The following SLC12A7 variants were observed in gnomAD, a reference collection of about 807,000 sequenced individuals.
The protein encoded by SLC12A7 is K-Cl cotransporter 4.
Under a neutral mutation model 120.6 loss-of-function variants are expected in SLC12A7, and 100 were observed. That is an observed-to-expected ratio of 0.83 (90% CI 0.71 to 0.98). The LOEUF is 0.98. SLC12A7 is among the 50% of genes least tolerant of loss of function. The pLI is 0.00. For missense variants in SLC12A7, 1,373 were observed against 1,548.1 expected, an observed-to-expected ratio of 0.89 and a Z score of 1.90; for synonymous variants, 760 against 678.0, an observed-to-expected ratio of 1.12 and a Z score of -1.88.
chr5:1,119,343 C>G, the SLC12A7 span, among the ~76,000 whole-genome samples: 1 of 152,200 alleles, frequency 6.6e-6, no homozygotes, highest in African/African-American at 2.4e-5. Context: ...TCAGGGCCAG[C>G]ACTCGTTAAA....
chr5:1,050,979 G>A lies in SLC12A7; in HGVS notation c.*1381C>T. The A allele has an allele frequency of 2.5e-6, 1 of 398,626 alleles. No homozygotes were observed. The highest frequency in any genetic ancestry group is 4.4e-6 in the Non-Finnish European group (1 of 226,070). The allele number at this position is 398,626 out of a possible 1,614,324, so 24.7% of individuals were successfully genotyped here. On this transcript the variant is annotated 3_prime_UTR_variant, in exon 24 of 24. Coordinates refer to ENST00000264930, the MANE Select transcript of SLC12A7 (RefSeq NM_006598.3). ...ACGTAGCCCAAGGCCTGGCCATCTG[G>A]GGCCTCTAGTATATAGAAGCAACCT...
At chr5:1,056,988 T>C (rs368592002) in intron 22 of SLC12A7, among the ~76,000 whole-genome samples, 2 of 152,236 alleles carry the variant, frequency 1.3e-5, no homozygotes, top group South Asian at 4.1e-4. Context: ...CTCGCCTCCA[T>C]GGAACAGACC....
At position 1,074,677 on chromosome 5, in the gene SLC12A7, G is replaced by C; in HGVS notation, c.1968-6C>G. 1.9e-6 allele frequency: 3 copies of C among 1,612,208 alleles called. No individual in the cohort carries two copies. The highest frequency in any genetic ancestry group is 2.5e-6 in the Non-Finnish European group (3 of 1,179,740). ...CGCCCCACTCCTTCTCGGCCCTGTGGGAAAGGAAGTCGGGGTTTGTCCAGC... is the reference window on the plus strand; with the variant it reads ...CGCCCCACTCCTTCTCGGCCCTGTGCGAAAGGAAGTCGGGGTTTGTCCAGC... On this transcript the variant is annotated splice_polypyrimidine_tract_variant and splice_region_variant and intron_variant, in intron 15 of 23. Coordinates refer to ENST00000264930, the MANE Select transcript of SLC12A7 (RefSeq NM_006598.3).
rs1278630599 is a variant in SLC12A7, at chr5:1,065,268, G to T, written c.2437+15C>A. Reference sequence around the variant, plus strand: ...GACGGTGAGGGGATGCCGAAGGGCCGCCAGCCATGCCTACCCACAAAGTTC... The same window carrying T: ...GACGGTGAGGGGATGCCGAAGGGCCTCCAGCCATGCCTACCCACAAAGTTC... On this transcript the variant is annotated intron_variant, in intron 18 of 23. Coordinates refer to ENST00000264930, the MANE Select transcript of SLC12A7 (RefSeq NM_006598.3). 3 of 1,540,488 alleles carry T rather than the reference G, an allele frequency of 1.9e-6. No homozygotes were observed. In the African/African-American group the frequency reaches 4.1e-5, roughly 21 times the overall value.
In SLC12A7 at chr5:1,094,180, C is replaced by T. The variant is rs182412978; in HGVS notation, c.193G>A (p.Glu65Lys). 1.2e-6 allele frequency: 2 copies of T among 1,613,550 alleles called. No individual in the cohort carries two copies. The highest frequency in any genetic ancestry group is 2.2e-5 in the East Asian group (1 of 44,884). The part of the protein sequence containing the change: ...NVEVEQESFF[E>K]GKNMALFEEE... ...TCGAAAAGTGCCATGTTCTTCCCTTCAAAGAAGCTCTCTTGTTCCACCTCG... is the reference window on the plus strand; with the variant it reads ...TCGAAAAGTGCCATGTTCTTCCCTTTAAAGAAGCTCTCTTGTTCCACCTCG... Residue 65 changes from glutamate to lysine, a missense_variant, in exon 2 of 24, where the codon GAA becomes AAA. Glu to Lys is a moderately conservative substitution (Grantham distance 56). Coordinates refer to ENST00000264930, the MANE Select transcript of SLC12A7 (RefSeq NM_006598.3).
chr5:1,128,337 G>C, the SLC12A7 span, among the ~76,000 whole-genome samples: 1 of 152,228 alleles, frequency 6.6e-6, no homozygotes, highest in African/African-American at 2.4e-5. Flanking sequence ...GTCAGGCCCA[G>C]TGGAAACTGG....
At chr5:1,085,513 C>A (rs1177068449) in intron 6 of SLC12A7, 40 bp from the exon 7 acceptor site, 1 of 1,542,500 alleles carries the variant, frequency 6.5e-7, no homozygotes, top group Non-Finnish European at 8.7e-7. Flanking sequence ...TCCCCGGACA[C>A]AACTCCCCAG....
intron 3 of SLC12A7, among the ~76,000 whole-genome samples, chr5:1,090,910 A>G (rs1019394805): frequency 7.9e-5 from 12 of 152,066 alleles, no homozygotes; most frequent in African/African-American, 2.4e-4. Flanking sequence ...AGGCTCCTCA[A>G]TGGGAGCAGG....
At chr5:1,117,544 C>T in the SLC12A7 span, among the ~76,000 whole-genome samples, 1 of 152,200 alleles carries the variant, frequency 6.6e-6, no homozygotes, top group Admixed American at 6.5e-5. This position sits in a 1 kb window ranked among gnomAD's most constrained non-coding sequence, Gnocchi z 4.5. Context: ...AAGATTCTGA[C>T]CCTCCCTAAA....
In SLC12A7 at chr5:1,052,083, A is replaced by C; in HGVS notation, c.*277T>G. 1 of 483,878 alleles carries C rather than the reference A, an allele frequency of 2.1e-6. No individual in the cohort carries two copies. 30.0% of individuals were successfully genotyped at this position (483,878 alleles called of 1,614,324 possible). On this transcript the variant is annotated 3_prime_UTR_variant, in exon 24 of 24. Coordinates refer to ENST00000264930, the MANE Select transcript of SLC12A7 (RefSeq NM_006598.3). The stretch of plus-strand genomic sequence containing the variant: ...CACTGGCTTCTTGTGACCTGCGAGA[A>C]GATCTGGCCACGTCCAGGTCACTCC...
intron 1 of SLC12A7, among the ~76,000 whole-genome samples, chr5:1,096,510 C>G (rs1381270802): frequency 6.6e-6 from 1 of 151,938 alleles, no homozygotes; most frequent in African/African-American, 2.4e-5. Flanking sequence ...CTTCCCCACT[C>G]CTCTTCAATG....
chr5:1,076,219 T>C lies in SLC12A7; in HGVS notation c.1766A>G (p.Tyr589Cys), dbSNP rs1382416894. 1 of 1,611,156 alleles carries C rather than the reference T, an allele frequency of 6.2e-7. No homozygotes were observed. Among genetic ancestry groups the C allele is most frequent in the Non-Finnish European group, 8.5e-7 (1 of 1,179,272 alleles). Residue 589 changes from tyrosine (Y) to cysteine (C), a missense_variant, in exon 14 of 24, where the codon TAC (tyrosine) becomes TGC (cysteine). Coordinates refer to ENST00000264930, the MANE Select transcript of SLC12A7 (RefSeq NM_006598.3). ...GGCGCAGGCCAGGTTCACGAACAGG[T>C]AGCACATGAGGAAGAACCTGCAGGG... Reference protein sequence around the residue: ...PILSMFFLMCYLFVNLACAVQ... With the variant: ...PILSMFFLMCCLFVNLACAVQ...
rs1007123845 is a variant in SLC12A7, at chr5:1,076,565, C to A, written c.1748+129G>T. 6 of 719,454 alleles carry A rather than the reference C, an allele frequency of 8.3e-6. No individual in the cohort carries two copies. In the Admixed American group the frequency reaches 9.7e-5, roughly 12 times the overall value. 44.6% of individuals were successfully genotyped at this position (719,454 alleles called of 1,614,324 possible). On this transcript the variant is annotated intron_variant, in intron 13 of 23. Coordinates refer to ENST00000264930, the MANE Select transcript of SLC12A7 (RefSeq NM_006598.3). ...TTCCCCGGCGCAACTCCCTTCCCGG[C>A]AGGATCCTGACTGCCCACAGCTGGC...
rs1435014826 is a variant in SLC12A7, at chr5:1,075,460, G to A, written c.1878C>T (p.Cys626=). The A allele has an allele frequency of 6.2e-7, 1 of 1,612,408 alleles. No individual in the cohort carries two copies. The highest frequency in any genetic ancestry group is 1.3e-5 in the African/African-American group (1 of 75,064). Reference sequence around the variant, plus strand: ...AGGAGCAGATGAACATCAGCGCCAGGCACAGGCTCATACCCAGAAAGGACA... The same window carrying A: ...AGGAGCAGATGAACATCAGCGCCAGACACAGGCTCATACCCAGAAAGGACA... ...WTLSFLGMSL[C]LALMFICSWY... Residue 626 remains cysteine, a synonymous_variant, in exon 15 of 24, where the codon TGC becomes TGT. Coordinates refer to ENST00000264930, the MANE Select transcript of SLC12A7 (RefSeq NM_006598.3).
chr5:1,096,373 G>C (rs1222915786), intron 1 of SLC12A7, among the ~76,000 whole-genome samples: 1 of 152,120 alleles, frequency 6.6e-6, no homozygotes, highest in African/African-American at 2.4e-5. Flanking sequence ...CAACCTTTCT[G>C]AAATCTAAAA....
chr5:1,119,907 C>T, the SLC12A7 span, among the ~76,000 whole-genome samples: 9 of 152,354 alleles, frequency 5.9e-5, no homozygotes, highest in South Asian at 1.2e-3. Context: ...TCTGCCTCCC[C>T]GCAAAAATCC....
intron 18 of SLC12A7, 79 bp from the exon 19 acceptor site, chr5:1,064,331 G>A: frequency 6.7e-7 from 1 of 1,492,614 alleles, no homozygotes; most frequent in South Asian, 1.3e-5. Flanking sequence ...CACAGCCAGT[G>A]CAGGGGCGGG....
intron 3 of SLC12A7, among the ~76,000 whole-genome samples, chr5:1,089,571 TAA>T (rs35078056): frequency 2.8e-3 from 317 of 112,318 alleles, no homozygotes; most frequent in South Asian, 2.4e-3. Flanking sequence ...CCCATAAAGC[TAA>T]AAAAAAAAAA....
At chr5:1,074,815 G>T in intron 15 of SLC12A7, 144 bp from the exon 16 acceptor site, 1 of 703,268 alleles carries the variant, frequency 1.4e-6, no homozygotes, top group Non-Finnish European at 2.4e-6. Context: ...AGGCCTCCAT[G>T]CCCACCCTTG....
Sources: gnomAD v4.1 joint callset for allele counts (sites outside exome capture counted in the v4.1 genomes callset) on GRCh38, gnomAD v4.1.1 for gene constraint, Gnocchi (gnomAD v3.1) non-coding constraint, MANE v1.5 for transcripts, NCBI Gene and HGNC (gene_info 2026-07-23, HGNC 2026-07-21) for gene names.